The following STX5 variants were observed in gnomAD, a reference collection of about 807,000 sequenced individuals.
STX5 encodes syntaxin-5.
A neutral mutation model predicts 42.9 loss-of-function variants in STX5; 15 were observed. The observed-to-expected ratio is 0.35, with a 90% confidence interval of 0.23 to 0.54. The LOEUF is 0.54. Among genes scored for constraint, STX5 ranks in the 20% least tolerant of loss-of-function variants. STX5 has a pLI of 0.91. For synonymous variants in STX5, 184 were observed against 173.2 expected (o/e 1.06, Z -0.49); for missense variants, 430 against 455.0 (o/e 0.95, Z 0.50).
intron 10 of STX5, among the ~76,000 whole-genome samples, chr11:62,813,258 A>G (rs903061198): frequency 4.6e-5 from 7 of 152,160 alleles, no homozygotes; most frequent in Non-Finnish European, 8.8e-5. Context: ...TGGGTGACAG[A>G]GTGAGACTGT....
At chr11:62,809,676 A>G (rs1294852161) in intron 10 of STX5, among the ~76,000 whole-genome samples, 1 of 120,760 alleles carries the variant, frequency 8.3e-6, no homozygotes, top group Non-Finnish European at 1.7e-5. Context: ...TCTGTCTCAA[A>G]AAAAAAAAAA....
intron 10 of STX5, among the ~76,000 whole-genome samples, chr11:62,822,800 T>G (rs1321344430): frequency 6.6e-6 from 1 of 151,920 alleles, no homozygotes; most frequent in Non-Finnish European, 1.5e-5. Context: ...GTCTCTTTTG[T>G]CCACTGCTAT....
At chr11:62,816,062 G>A (rs1472992755) in intron 10 of STX5, 3 of 152,142 alleles carry the variant, frequency 2.0e-5, no homozygotes, top group Admixed American at 1.3e-4. Context: ...CTGCTGAAGT[G>A]AGTACTGGAT....
At chr11:62,828,169 T>C (rs2084816350) in intron 2 of STX5, among the ~76,000 whole-genome samples, 1 of 151,832 alleles carries the variant, frequency 6.6e-6, no homozygotes, top group Non-Finnish European at 1.5e-5. Context: ...GGTTGGAATA[T>C]AGTAGCATGA....
In STX5 at chr11:62,824,478, A is replaced by G. The variant is rs1377052751; in HGVS notation, c.767T>C (p.Leu256Pro). The change falls in exon 9 of 11, where the codon CTG becomes CCG. Residue 256 changes from leucine (L) to proline (P), a missense_variant. Leu to Pro is a moderately conservative substitution (Grantham distance 98). Coordinates refer to ENST00000294179, the MANE Select transcript of STX5 (RefSeq NM_003164.5). Reference sequence around the variant, plus strand: ...GGGTACCTGCTCGTCAATGAGCTGCAGCTGCTGGCTGGTCCGAGAGTCCAT... The same window carrying G: ...GGGTACCTGCTCGTCAATGAGCTGCGGCTGCTGGCTGGTCCGAGAGTCCAT... ...DMMDSRTSQQ[L>P]QLIDEQDSYI... is the part of the protein sequence containing the mutation. 1.2e-6 allele frequency: 2 copies of G among 1,614,216 alleles called. No individual in the cohort carries two copies. The highest frequency in any genetic ancestry group is 1.3e-5 in the African/African-American group (1 of 75,068).
At position 62,824,546 on chromosome 11, in the gene STX5, C is replaced by T; in HGVS notation, c.699G>A (p.Leu233=). Residue 233 remains leucine (L), a synonymous_variant, in exon 9 of 11, where the codon CTG becomes CTA. Coordinates refer to ENST00000294179, the MANE Select transcript of STX5 (RefSeq NM_003164.5). Reference sequence around the variant, plus strand: ...CCTTGGAGGCATGGGACTCTGCCCCCAGAACCACAGCACCACCGCCTGGGG... The same window carrying T: ...CCTTGGAGGCATGGGACTCTGCCCCTAGAACCACAGCACCACCGCCTGGGG... The part of the protein sequence containing the change: ...PNHLGGGAVV[L]GAESHASKDV... 6.2e-7 allele frequency: 1 copy of T among 1,614,154 alleles called. No individual in the cohort carries two copies. Among genetic ancestry groups the T allele is most frequent in the Non-Finnish European group, 8.5e-7 (1 of 1,180,026 alleles).
At chr11:62,830,979 G>C (rs1433056877) in intron 2 of STX5, 40 bp downstream of exon 2, 22 of 1,509,898 alleles carry the variant, frequency 1.5e-5, no homozygotes, top group African/African-American at 4.2e-5. Flanking sequence ...CTAGATTTGA[G>C]TAAGGCTCAC....
rs950463258 is a variant in STX5, at chr11:62,807,300, G to A, written c.*169C>T. The A allele has an allele frequency of 1.9e-5, 20 of 1,026,922 alleles. No individual in the cohort carries two copies. Among genetic ancestry groups the A allele is most frequent in the Non-Finnish European group, 2.7e-5 (20 of 729,252 alleles). 63.6% of individuals were successfully genotyped at this position (1,026,922 alleles called of 1,614,324 possible). A position where few individuals can be genotyped will look rare whatever the true frequency, so the allele number is the denominator to read the frequency against. On this transcript the variant is annotated 3_prime_UTR_variant, in exon 11 of 11. Coordinates refer to ENST00000294179, the MANE Select transcript of STX5 (RefSeq NM_003164.5). ...CTGAGGGTGGTGGGGGGAGGACAGGGTGGCCAGAGGCAAGGGGTGGGGGAT... is the reference window on the plus strand; with the variant it reads ...CTGAGGGTGGTGGGGGGAGGACAGGATGGCCAGAGGCAAGGGGTGGGGGAT...
chr11:62,809,157 G>C (rs1349179364), intron 10 of STX5, among the ~76,000 whole-genome samples: 1 of 151,706 alleles, frequency 6.6e-6, no homozygotes, highest in Non-Finnish European at 1.5e-5. Flanking sequence ...GCATGGTGGC[G>C]GGCACCTGTA....
In STX5 at chr11:62,827,198, T is replaced by C; in HGVS notation, c.380A>G (p.Asp127Gly). 6.2e-7 allele frequency: 1 copy of C among 1,614,232 alleles called. No homozygotes were observed. Among genetic ancestry groups the C allele is most frequent in the Non-Finnish European group, 8.5e-7 (1 of 1,180,038 alleles). Reference protein sequence around the residue: ...ILAKRKSLFDDKAVEIEELTY... With the variant: ...ILAKRKSLFDGKAVEIEELTY... The stretch of plus-strand genomic sequence containing the variant: ...TAGCTCTTCAATTTCCACTGCTTTA[T>C]CATCAAAGAGGGACTTGCGCTTTGC... Residue 127 changes from aspartate (D) to glycine (G), a missense_variant, in exon 5 of 11, where the codon GAT (aspartate) becomes GGT (glycine). Physicochemically the swap from Asp to Gly is moderately conservative, Grantham distance 94 (BLOSUM62 -1). Transcript: ENST00000294179.
At chr11:62,811,014 C>T (rs1214846987) in intron 10 of STX5, among the ~76,000 whole-genome samples, 4 of 152,190 alleles carry the variant, frequency 2.6e-5, no homozygotes, top group Non-Finnish European at 5.9e-5. Flanking sequence ...GAAATAACCA[C>T]TCCTTAAAAT....
At chr11:62,828,577 T>C (rs1200550263) in intron 2 of STX5, among the ~76,000 whole-genome samples, 8 of 150,514 alleles carry the variant, frequency 5.3e-5, no homozygotes, top group Admixed American at 4.6e-4. Flanking sequence ...ATACAAAAAT[T>C]TAGCCAGGTG....
At chr11:62,816,898 AAAAG>A (rs1042631416) in intron 10 of STX5, among the ~76,000 whole-genome samples, 9 of 151,812 alleles carry the variant, frequency 5.9e-5, no homozygotes, top group East Asian at 1.9e-4. Context: ...TGTCTCAAAA[AAAAG>A]AAAGAAAGAG....
At chr11:62,807,743 ATATT>A (rs1297693720) in intron 10 of STX5, 115 bp from the exon 11 acceptor site, 6 of 1,486,526 alleles carry the variant, frequency 4.0e-6, no homozygotes, top group South Asian at 2.7e-5. Flanking sequence ...ATTCTTATAT[ATATT>A]TGTGTATAGA....
chr11:62,831,196 G>A lies in STX5; in HGVS notation c.48C>T (p.Val16=), dbSNP rs757534474. The change falls in exon 2 of 11, where the codon GTC becomes GTT. Residue 16 remains valine (V), a synonymous_variant. Transcript: ENST00000294179. ...RYGSKNTDQG[V]YLGLSKTQVL... ...CCTGTGTCTTTGAGAGACCCAGGTA[G>A]ACACCCTGATCCGTGTTCTTAGACC... is the stretch of plus-strand genomic sequence containing the variant. 2 of 1,566,716 alleles carry A rather than the reference G, an allele frequency of 1.3e-6. No individual in the cohort carries two copies. The highest frequency in any genetic ancestry group is 1.7e-6 in the Non-Finnish European group (2 of 1,154,688).
chr11:62,816,294 T>A (rs1392439086), intron 10 of STX5, among the ~76,000 whole-genome samples: 4 of 152,242 alleles, frequency 2.6e-5, no homozygotes, highest in East Asian at 1.9e-4. Flanking sequence ...TTTTAAAAAA[T>A]TTTTTAGAGA....
chr11:62,811,423 G>C (rs2084615532), intron 10 of STX5, among the ~76,000 whole-genome samples: 1 of 152,120 alleles, frequency 6.6e-6, no homozygotes, highest in Non-Finnish European at 1.5e-5. Flanking sequence ...GTGACACACA[G>C]GTTATCTGTG....
chr11:62,815,265 C>G (rs931301099), intron 10 of STX5, among the ~76,000 whole-genome samples: 1 of 152,178 alleles, frequency 6.6e-6, no homozygotes, highest in Non-Finnish European at 1.5e-5. Context: ...CTTGGCCTCC[C>G]AAAGTACTGG....
At chr11:62,826,725 A>G (rs1353523145) in intron 5 of STX5, among the ~76,000 whole-genome samples, 5 of 151,664 alleles carry the variant, frequency 3.3e-5, no homozygotes, top group South Asian at 4.2e-4. Context: ...CTAAAGATAA[A>G]ACAATTAGCC....
Sources: allele counts gnomAD v4.1 joint callset (sites outside exome capture counted in the v4.1 genomes callset), GRCh38; gene constraint gnomAD v4.1.1; transcripts MANE v1.5; gene names NCBI Gene and HGNC (gene_info 2026-07-23, HGNC 2026-07-21).